The following WDR7 variants were observed in gnomAD, a reference collection of about 807,000 sequenced individuals.
WDR7 encodes WD repeat domain 7, also known as WD repeat-containing protein 7.
WDR7 carries 46 observed loss-of-function variants against 169.4 expected under a neutral mutation model. The observed-to-expected ratio is 0.27, with a 90% CI of 0.21 to 0.35. WDR7 has a LOEUF of 0.35. WDR7 is among the 10% of genes least tolerant of loss of function. The pLI is 1.00. For synonymous variants in WDR7, 612 were observed against 666.8 expected (o/e 0.92, Z 1.27); for missense variants, 1,534 against 1,859.3 (o/e 0.83, Z 3.22).
chr18:57,017,210 T>A (rs1055195096), intron 26 of WDR7, among the ~76,000 whole-genome samples: 1 of 152,158 alleles, frequency 6.6e-6, no homozygotes, highest in African/African-American at 2.4e-5. Flanking sequence ...ACAGTGAGGG[T>A]TGAAGCACCT....
At chr18:56,898,089 T>C (rs1477317049) in intron 21 of WDR7, among the ~76,000 whole-genome samples, 2 of 151,900 alleles carry the variant, frequency 1.3e-5, no homozygotes, top group Non-Finnish European at 2.9e-5. Context: ...CTGTCTGTGA[T>C]GTCAAAAAAT....
intron 21 of WDR7, among the ~76,000 whole-genome samples, chr18:56,888,634 A>G (rs189597068): frequency 7.2e-4 from 109 of 152,304 alleles, no homozygotes; most frequent in African/African-American, 2.6e-3. Context: ...AGAATGTTTT[A>G]AGGTATTATT....
intron 12 of WDR7, 50 bp downstream of exon 12, chr18:56,696,512 T>C: frequency 6.9e-7 from 1 of 1,441,064 alleles, no homozygotes; most frequent in Non-Finnish European, 9.5e-7. Context: ...AGCCAAGTTA[T>C]ATTACTATCA....
chr18:56,754,363 A>G (rs941945579), intron 14 of WDR7, among the ~76,000 whole-genome samples: 1 of 150,560 alleles, frequency 6.6e-6, no homozygotes, highest in African/African-American at 2.5e-5. Flanking sequence ...ATGTGTGTGT[A>G]TATATACACG....
chr18:56,914,752 C>T (rs1223716605), intron 21 of WDR7, among the ~76,000 whole-genome samples: 1 of 152,156 alleles, frequency 6.6e-6, no homozygotes, highest in Non-Finnish European at 1.5e-5. Context: ...TTTACCTTCC[C>T]TAGGTAGAAG....
chr18:56,765,233 T>A (rs2044043152), intron 16 of WDR7, among the ~76,000 whole-genome samples: 1 of 152,082 alleles, frequency 6.6e-6, no homozygotes, highest in South Asian at 2.1e-4. Flanking sequence ...CCGTTTACAT[T>A]TAATGTGATT....
At chr18:57,008,913 C>A (rs944426255) in intron 26 of WDR7, among the ~76,000 whole-genome samples, 2 of 152,142 alleles carry the variant, frequency 1.3e-5, no homozygotes, top group African/African-American at 4.8e-5. Context: ...ACTATTTAAT[C>A]CCATGAGGTA....
At chr18:56,945,824 A>C (rs955340405) in intron 25 of WDR7, among the ~76,000 whole-genome samples, 1 of 152,118 alleles carries the variant, frequency 6.6e-6, no homozygotes, top group African/African-American at 2.4e-5. Context: ...AGTAATCCAA[A>C]ATCAAGAAAA....
chr18:56,762,897 A>AT lies in WDR7; in HGVS notation c.2848+3959dup, dbSNP rs34582934. 5.6e-3 allele frequency among the ~76,000 whole-genome samples: 804 copies of AT among 143,102 alleles called. 7 individuals carry two copies. The highest frequency in any genetic ancestry group is 0.017 in the African/African-American group (670 of 38,850). The allele number at this position is 143,102 out of a possible 152,430, so 93.9% of individuals were successfully genotyped here. The stretch of plus-strand genomic sequence containing the variant: ...TCCAATTTTTCTTACCTTAGTAAGA[A>AT]TTTTTTTTTTTTTTTACCTTGGGTT... On this transcript the variant is annotated intron_variant, in intron 16 of 27. Coordinates refer to ENST00000254442, the MANE Select transcript of WDR7 (RefSeq NM_015285.3).
At chr18:57,006,113 A>G (rs1238849265) in intron 26 of WDR7, among the ~76,000 whole-genome samples, 2 of 152,208 alleles carry the variant, frequency 1.3e-5, no homozygotes, top group Non-Finnish European at 2.9e-5. Context: ...AGTGAATAAA[A>G]TTAGCATGCA....
chr18:56,766,515 T>C (rs939431355), intron 16 of WDR7, among the ~76,000 whole-genome samples: 6 of 152,174 alleles, frequency 3.9e-5, no homozygotes, highest in African/African-American at 1.2e-4. Context: ...CAGCAATGTG[T>C]AATATGCCAT....
At chr18:56,877,798 G>A (rs1056128020) in intron 20 of WDR7, among the ~76,000 whole-genome samples, 1 of 152,098 alleles carries the variant, frequency 6.6e-6, no homozygotes, top group African/African-American at 2.4e-5. Flanking sequence ...AATTTGATAA[G>A]GTCAGAATTG....
rs769823129 is a variant in WDR7 at position 56,691,789 on chromosome 18, A to G, written c.938A>G (p.His313Arg). ...AVENLIPPVQ[H>R]ILLDRKDKEL... ...GAAAATTTAATTCCTCCTGTACAAC[A>G]TATCCTCTTGGATCGAAAAGATAAA... Residue 313 changes from histidine (H) to arginine (R), a missense_variant, in exon 9 of 28, where the codon CAT becomes CGT. Transcript: ENST00000254442. 11 of 1,611,858 alleles carry G rather than the reference A, an allele frequency of 6.8e-6. No homozygotes were observed. Among genetic ancestry groups the G allele is most frequent in the African/African-American group, 2.7e-5 (2 of 74,858 alleles).
At chr18:56,867,960 A>G (rs2045904809) in intron 20 of WDR7, among the ~76,000 whole-genome samples, 1 of 152,208 alleles carries the variant, frequency 6.6e-6, no homozygotes, top group Non-Finnish European at 1.5e-5. Context: ...CTATATGCTC[A>G]TTTGAAAAGG....
intron 26 of WDR7, among the ~76,000 whole-genome samples, chr18:56,971,688 G>A (rs1053841887): frequency 6.6e-6 from 1 of 152,124 alleles, no homozygotes; most frequent in African/African-American, 2.4e-5. Flanking sequence ...TAACAATTAG[G>A]AGTTAGGCAA....
chr18:56,758,792 T>C (rs1483405122), intron 15 of WDR7, 73 bp from the exon 16 acceptor site: 2 of 1,197,892 alleles, frequency 1.7e-6, no homozygotes, highest in Non-Finnish European at 1.2e-6. Flanking sequence ...AAGTAGAAAA[T>C]TTTTTATTTT....
chr18:56,666,588 C>T (rs2025029899), intron 1 of WDR7, among the ~76,000 whole-genome samples: 1 of 152,196 alleles, frequency 6.6e-6, no homozygotes, highest in African/African-American at 2.4e-5. Flanking sequence ...ATGATTTTAT[C>T]TGTAAACACT....
intron 20 of WDR7, among the ~76,000 whole-genome samples, chr18:56,837,043 G>A (rs1455104284): frequency 6.6e-6 from 1 of 152,174 alleles, no homozygotes; most frequent in Non-Finnish European, 1.5e-5. Flanking sequence ...GCTGACATCT[G>A]TTTGAATGAC....
At chr18:56,820,603 A>G (rs2045078419) in intron 20 of WDR7, among the ~76,000 whole-genome samples, 1 of 152,112 alleles carries the variant, frequency 6.6e-6, no homozygotes, top group South Asian at 2.1e-4. Context: ...TAGTGCTGAC[A>G]GAACTTACAT....
Sources: allele counts gnomAD v4.1 joint callset (sites outside exome capture counted in the v4.1 genomes callset), GRCh38; gene constraint gnomAD v4.1.1; transcripts MANE v1.5; gene names NCBI Gene and HGNC (gene_info 2026-07-23, HGNC 2026-07-21).